The following DDC variants were observed in gnomAD, a reference collection of about 807,000 sequenced individuals.
DDC encodes dopa decarboxylase, also known as aromatic-L-amino-acid decarboxylase.
Under a neutral mutation model 60.0 loss-of-function variants are expected in DDC, and 43 were observed. That is an observed-to-expected ratio of 0.72 (90% CI 0.56 to 0.92). DDC has a LOEUF of 0.92. DDC is among the 40% of genes least tolerant of loss of function. The probability of loss-of-function intolerance (pLI) is 0.00; values close to 1 mark genes in which losing one functional copy is unlikely to be tolerated. For missense variants in DDC, 573 were observed against 620.2 expected (o/e 0.92, Z 0.81); for synonymous variants, 232 against 234.6 (o/e 0.99, Z 0.10).
chr7:50,467,126 G>T, intron 13 of DDC, 88 bp downstream of exon 13: 3 of 1,172,408 alleles, frequency 2.6e-6, no homozygotes, highest in Non-Finnish European at 3.8e-6. Flanking sequence ...GAGAGCCAGT[G>T]CCAGTGTTTG....
Position 50,470,285 on chromosome 7 carries a change from A to C in DDC, c.1042-114T>G, listed in dbSNP as rs3757472. On this transcript the variant is annotated intron_variant, in intron 11 of 14. Coordinates refer to ENST00000444124, the MANE Select transcript of DDC (RefSeq NM_001082971.2). ...GAGGCAGCCGATTCCCTGGTGGCCAACCTGCTCCCATTGCCATGGCCTGTC... is the reference window on the plus strand; with the variant it reads ...GAGGCAGCCGATTCCCTGGTGGCCACCCTGCTCCCATTGCCATGGCCTGTC... 0.67 allele frequency: 529,054 copies of C among 785,856 alleles called. 179,675 individuals are homozygous for C. The highest frequency in any genetic ancestry group is 0.78 in the Admixed American group (43,239 of 55,690). The allele number at this position is 785,856 out of a possible 1,614,324, so 48.7% of individuals were successfully genotyped here.
chr7:50,469,177 T>A (rs140124900), intron 12 of DDC, among the ~76,000 whole-genome samples: 2,569 of 149,006 alleles, frequency 0.017, 83 homozygotes, highest in African/African-American at 0.06. Flanking sequence ...AACTCCTGAC[T>A]TCATGATCTG....
intron 6 of DDC, among the ~76,000 whole-genome samples, chr7:50,512,053 A>C (rs1019977143): frequency 3.3e-5 from 5 of 152,096 alleles, no homozygotes; most frequent in Non-Finnish European, 7.4e-5. Context: ...TATTGAAATA[A>C]AAAATTAAAA....
chr7:50,495,535 G>T, intron 8 of DDC, 118 bp from the exon 9 acceptor site: 1 of 824,196 alleles, frequency 1.2e-6, no homozygotes, highest in Non-Finnish European at 2.0e-6. Flanking sequence ...AGTGGTAGGG[G>T]CCAGGTAGGG....
intron 9 of DDC, among the ~76,000 whole-genome samples, chr7:50,488,945 G>C (rs570089694): frequency 6.6e-6 from 1 of 152,196 alleles, no homozygotes; most frequent in Non-Finnish European, 1.5e-5. Flanking sequence ...TGATGTTGTG[G>C]CCTAATTAAA....
At chr7:50,564,657 A>G (rs1018937436) in intron 1 of DDC, among the ~76,000 whole-genome samples, 4 of 152,226 alleles carry the variant, frequency 2.6e-5, no homozygotes, top group Non-Finnish European at 5.9e-5. Flanking sequence ...AATTCTCCCA[A>G]TAGAAATTCC....
intron 4 of DDC, chr7:50,531,641 A>C (rs932805390): frequency 6.6e-6 from 1 of 151,946 alleles, no homozygotes; most frequent in African/African-American, 2.4e-5. Flanking sequence ...AGTCAACAAA[A>C]TGATGTTTTA....
chr7:50,547,641 A>G (rs2044850138), intron 1 of DDC, among the ~76,000 whole-genome samples: 1 of 147,236 alleles, frequency 6.8e-6, no homozygotes, highest in Non-Finnish European at 1.5e-5. Flanking sequence ...ACACAGTGGG[A>G]AGCATTGGTG....
intron 9 of DDC, among the ~76,000 whole-genome samples, chr7:50,488,450 A>C (rs2042931648): frequency 6.6e-6 from 1 of 152,028 alleles, no homozygotes. Flanking sequence ...TTTGGTAAGA[A>C]AGATTAAAAG....
intron 7 of DDC, among the ~76,000 whole-genome samples, chr7:50,500,372 C>T (rs1431451911): frequency 6.6e-6 from 1 of 152,174 alleles, no homozygotes; most frequent in East Asian, 1.9e-4. Context: ...ATACCATCAC[C>T]TTAGGTTAGA....
At chr7:50,501,118 G>A (rs2043243018) in intron 7 of DDC, among the ~76,000 whole-genome samples, 2 of 152,148 alleles carry the variant, frequency 1.3e-5, no homozygotes, top group African/African-American at 4.8e-5. Context: ...CTGCCTCAGT[G>A]GGGAGGGATG....
intron 8 of DDC, among the ~76,000 whole-genome samples, chr7:50,498,831 C>G (rs1242606599): frequency 6.6e-6 from 1 of 152,184 alleles, no homozygotes; most frequent in Non-Finnish European, 1.5e-5. Context: ...TTAAATTACT[C>G]TTTTGAGTTT....
intron 9 of DDC, among the ~76,000 whole-genome samples, chr7:50,481,147 G>T (rs764528191): frequency 1.3e-5 from 2 of 152,230 alleles, no homozygotes; most frequent in Non-Finnish European, 2.9e-5. Flanking sequence ...ATGCTGAGAT[G>T]TGGCTTACCA....
chr7:50,463,367 AC>A lies in DDC; in HGVS notation c.1306del (p.Val436PhefsTer95). The A allele has an allele frequency of 6.2e-7, 1 of 1,614,222 alleles. No individual in the cohort carries two copies. Among genetic ancestry groups the A allele is most frequent in the Non-Finnish European group, 8.5e-7 (1 of 1,180,034 alleles). On this transcript the variant is annotated frameshift_variant, in exon 14 of 15. Coordinates refer to ENST00000444124, the MANE Select transcript of DDC (RefSeq NM_001082971.2). LOFTEE classifies it high-confidence loss of function. ...AAACTTGTCCCTGAGGTGACATGGA[AC>A]CAAGTGGATTTTTTTGGCACTGTTT... ...RINSAKKIHL[V>X]PCHLRDKFVL...
chr7:50,493,325 C>A (rs545107020), intron 9 of DDC, among the ~76,000 whole-genome samples: 3 of 152,204 alleles, frequency 2.0e-5, no homozygotes, highest in Non-Finnish European at 4.4e-5. Context: ...AGCCCATCAG[C>A]CCTGCCCTGC....
chr7:50,546,251 G>C (rs979799822), intron 1 of DDC, among the ~76,000 whole-genome samples: 1 of 152,158 alleles, frequency 6.6e-6, no homozygotes, highest in African/African-American at 2.4e-5. Context: ...TTGTTCACCA[G>C]GCACTTGTTA....
chr7:50,486,550 T>C (rs942513591), intron 9 of DDC, among the ~76,000 whole-genome samples: 3 of 152,238 alleles, frequency 2.0e-5, no homozygotes, highest in East Asian at 3.8e-4. Flanking sequence ...ATGAGGCTTA[T>C]GGCTTTAACT....
intron 1 of DDC, among the ~76,000 whole-genome samples, chr7:50,563,403 T>C (rs2045380209): frequency 6.6e-6 from 1 of 152,144 alleles, no homozygotes; most frequent in South Asian, 2.1e-4. Flanking sequence ...ATTACTTTTG[T>C]CTTTGAAATT....
At chr7:50,523,225 G>T (rs1391046956) in intron 6 of DDC, among the ~76,000 whole-genome samples, 1 of 152,152 alleles carries the variant, frequency 6.6e-6, no homozygotes, top group Non-Finnish European at 1.5e-5. Context: ...TTTCCGAGAA[G>T]ATAATATAGG....
Sources: gnomAD v4.1 joint callset for allele counts (sites outside exome capture counted in the v4.1 genomes callset) on GRCh38, gnomAD v4.1.1 for gene constraint, MANE v1.5 for transcripts, NCBI Gene and HGNC (gene_info 2026-07-23, HGNC 2026-07-21) for gene names.